MTERF4: variants seen among roughly 807,000 people sequenced by gnomAD.
The protein encoded by MTERF4 is transcription termination factor 4, mitochondrial.
In MTERF4, 17 loss-of-function variants were observed where a neutral mutation model predicts 22.5. That is an observed-to-expected ratio of 0.75 (90% CI 0.52 to 1.13). The LOEUF (loss-of-function observed/expected upper bound fraction) is 1.13. Ranked by LOEUF, MTERF4 falls within the 50% of genes most tolerant of loss-of-function variation. The pLI is 0.00. For synonymous variants in MTERF4, 165 were observed against 175.3 expected (o/e 0.94, Z 0.47); for missense variants, 420 against 466.8 (o/e 0.90, Z 0.92).
At chr2:241,070,009 C>G, downstream of MTERF4, 1 of 1,613,000 alleles carries the variant, frequency 6.2e-7, no homozygotes, top group Non-Finnish European at 8.5e-7. Flanking sequence ...AGGCAGCTTG[C>G]TGGAGGCTTA....
chr2:241,062,760 A>G, the MTERF4 span: 1 of 1,500,406 alleles, frequency 6.7e-7, no homozygotes, highest in Non-Finnish European at 9.2e-7. Context: ...TCGTGGCCAC[A>G]TTGCTTTATT....
chr2:241,094,419 G>C (rs547912191), downstream of MTERF4: 2 of 471,114 alleles, frequency 4.2e-6, no homozygotes, highest in Non-Finnish European at 8.8e-6. This position sits in a 1 kb window ranked among gnomAD's most constrained non-coding sequence, Gnocchi z 4.3. Context: ...CAGTCACGCT[G>C]TAAGACGAGG....
intron 4 of MTERF4, among the ~76,000 whole-genome samples, chr2:241,081,287 C>T (rs1041659699): frequency 2.0e-5 from 3 of 151,956 alleles, no homozygotes; most frequent in African/African-American, 7.3e-5. Context: ...AGGATCCAAG[C>T]AGCAGAAACC....
chr2:241,079,268 C>A (rs899531547), intron 4 of MTERF4, among the ~76,000 whole-genome samples: 11 of 151,192 alleles, frequency 7.3e-5, no homozygotes, highest in Non-Finnish European at 1.2e-4. Context: ...AAAAATTAGC[C>A]GGGCGCAGTG....
At chr2:241,052,926 G>C in the MTERF4 span, among the ~76,000 whole-genome samples, 8 of 152,128 alleles carry the variant, frequency 5.3e-5, no homozygotes, top group Admixed American at 5.2e-4. Flanking sequence ...CAAGTGGGGA[G>C]CGTGGGATTT....
the MTERF4 span, chr2:241,049,757 C>T: frequency 9.4e-6 from 13 of 1,376,482 alleles, no homozygotes; most frequent in South Asian, 1.3e-4. Context: ...CCGCCAGCCT[C>T]TTGCCGCCCG....
intron 4 of MTERF4, among the ~76,000 whole-genome samples, chr2:241,078,144 G>A (rs535465569): frequency 6.6e-6 from 1 of 152,212 alleles, no homozygotes; most frequent in South Asian, 2.1e-4. Flanking sequence ...CAGCACTTTG[G>A]GAGGCCGAGG....
the MTERF4 span, chr2:241,049,824 A>T: frequency 1.9e-6 from 3 of 1,613,072 alleles, no homozygotes; most frequent in African/African-American, 2.7e-5. Context: ...CAGCCCTGCC[A>T]TCACCCTGCG....
chr2:241,068,862 C>T (rs759492023), downstream of MTERF4: 17 of 1,326,300 alleles, frequency 1.3e-5, no homozygotes, highest in South Asian at 1.3e-5. The surrounding 1 kb of genome is among the most constrained non-coding windows in gnomAD (Gnocchi z 5.3). Flanking sequence ...CAGAGTCACA[C>T]ACAGGTCCCA....
chr2:241,052,389 T>C, the MTERF4 span: 2 of 1,592,256 alleles, frequency 1.3e-6, no homozygotes, highest in Non-Finnish European at 1.7e-6. Flanking sequence ...CGTGTGTGAA[T>C]GGGGGCACCT....
chr2:241,100,049 A>G, intron 1 of MTERF4, 155 bp from the exon 2 acceptor site: 2 of 883,374 alleles, frequency 2.3e-6, no homozygotes, highest in Non-Finnish European at 3.3e-6. Context: ...ACTTAAGCCT[A>G]CAGAGAAGGA....
downstream of MTERF4, among the ~76,000 whole-genome samples, chr2:241,083,480 G>A (rs11888920): frequency 0.035 from 5,375 of 152,250 alleles, 325 homozygotes; most frequent in African/African-American, 0.12. Context: ...GGATGTAGAC[G>A]GGCAAGGGTA....
At chr2:241,102,067 C>T in intron 1 of MTERF4, 186 bp downstream of exon 1, 1 of 694,396 alleles carries the variant, frequency 1.4e-6, no homozygotes, top group Non-Finnish European at 2.3e-6. Context: ...AAAAAAATGT[C>T]AACTCTATAT....
chr2:241,090,519 G>A (rs1296951820), downstream of MTERF4: 6 of 1,457,516 alleles, frequency 4.1e-6, no homozygotes, highest in East Asian at 7.5e-5. Flanking sequence ...CAAGTATTAT[G>A]TACTCTACAT....
chr2:241,052,386 G>C, the MTERF4 span: 1 of 1,591,606 alleles, frequency 6.3e-7, no homozygotes, highest in South Asian at 1.2e-5. Context: ...GCCCGTGTGT[G>C]AATGGGGGCA....
chr2:241,048,654 C>T, the MTERF4 span: 10 of 1,602,784 alleles, frequency 6.2e-6, no homozygotes, highest in African/African-American at 2.7e-5. Flanking sequence ...TCCCTCTCTT[C>T]GTGGCAGGAG....
chr2:241,051,871 C>A, the MTERF4 span: 1 of 1,528,132 alleles, frequency 6.5e-7, no homozygotes, highest in Non-Finnish European at 8.8e-7. The surrounding 1 kb of genome is among the most constrained non-coding windows in gnomAD (Gnocchi z 4.7). Flanking sequence ...GTGCGGCCCC[C>A]AGGGGCAGGG....
chr2:241,080,771 G>A (rs947583938), intron 4 of MTERF4, among the ~76,000 whole-genome samples: 1 of 152,240 alleles, frequency 6.6e-6, no homozygotes, highest in Non-Finnish European at 1.5e-5. Context: ...CAACTTTGGA[G>A]CTTGCTGAGG....
chr2:241,071,970 A>AC, downstream of MTERF4: 1 of 1,072,074 alleles, frequency 9.3e-7, no homozygotes, highest in Non-Finnish European at 1.4e-6. Context: ...TGATGAGCCC[A>AC]CCCCCACCGC....
Sources: gnomAD v4.1 joint callset for allele counts (sites outside exome capture counted in the v4.1 genomes callset) on GRCh38, gnomAD v4.1.1 for gene constraint, Gnocchi (gnomAD v3.1) non-coding constraint, MANE v1.5 for transcripts, NCBI Gene and HGNC (gene_info 2026-07-23, HGNC 2026-07-21) for gene names.